The following NUCB2 variants were observed in gnomAD, a reference collection of about 807,000 sequenced individuals.
NUCB2 encodes the protein nucleobindin 2, also known as nucleobindin-2.
NUCB2 carries 48 observed loss-of-function variants against 57.9 expected under a neutral mutation model. The ratio of observed to expected loss-of-function variants is 0.83; its 90% confidence interval spans 0.66 to 1.05. The LOEUF (loss-of-function observed/expected upper bound fraction) is 1.05. Among genes scored for constraint, NUCB2 ranks in the 50% least tolerant of loss-of-function variants. The pLI is 0.00. For missense variants in NUCB2, 442 were observed against 476.2 expected, an observed-to-expected ratio of 0.93 and a Z score of 0.67; for synonymous variants, 139 against 152.1, an observed-to-expected ratio of 0.91 and a Z score of 0.64.
intron 11 of NUCB2, among the ~76,000 whole-genome samples, chr11:17,329,625 G>A (rs1377045114): frequency 6.6e-6 from 1 of 152,220 alleles, no homozygotes; most frequent in Non-Finnish European, 1.5e-5. Context: ...AGAGGGCACA[G>A]ACTCTCTGTG....
At chr11:17,331,278 G>A (rs924133416) in intron 13 of NUCB2, 134 bp from the exon 14 acceptor site, 1 of 510,830 alleles carries the variant, frequency 2.0e-6, no homozygotes, top group African/African-American at 2.0e-5. Flanking sequence ...TCTTACCAGA[G>A]AATATGTTTT....
intron 2 of NUCB2, among the ~76,000 whole-genome samples, chr11:17,285,199 G>A (rs1385488570): frequency 1.3e-5 from 2 of 152,046 alleles, no homozygotes; most frequent in Admixed American, 6.6e-5. Context: ...AGGCCAAGGC[G>A]GGCAGATCAC....
chr11:17,345,085 G>T (rs1389837536), intron 2 of NUCB2, among the ~76,000 whole-genome samples: 10 of 152,000 alleles, frequency 6.6e-5, no homozygotes, highest in Admixed American at 6.6e-4. Context: ...GCTTTTAATA[G>T]AAATATCTTA....
At chr11:17,346,952 C>T (rs565038646) in intron 2 of NUCB2, among the ~76,000 whole-genome samples, 27 of 152,204 alleles carry the variant, frequency 1.8e-4, no homozygotes, top group South Asian at 2.1e-4. Context: ...TTGTGAACCC[C>T]GAAAATTTGA....
chr11:17,293,698 T>G (rs1167702064), intron 2 of NUCB2, among the ~76,000 whole-genome samples: 1 of 152,230 alleles, frequency 6.6e-6, no homozygotes, highest in African/African-American at 2.4e-5. Context: ...CAATGGACTA[T>G]CTATTCAGCT....
At chr11:17,284,241 C>A (rs2137978802) in intron 2 of NUCB2, among the ~76,000 whole-genome samples, 1 of 152,268 alleles carries the variant, frequency 6.6e-6, no homozygotes, top group South Asian at 2.1e-4. Context: ...TGGTCTTGAA[C>A]TCCTGACCTC....
chr11:17,341,866 G>T (rs1677157887), intron 2 of NUCB2, among the ~76,000 whole-genome samples: 1 of 152,140 alleles, frequency 6.6e-6, no homozygotes, highest in African/African-American at 2.4e-5. Flanking sequence ...TTTTTCTATT[G>T]ATTGGAATAG....
At position 17,330,642 on chromosome 11, in the gene NUCB2, T is replaced by C. The variant is rs1204230187; in HGVS notation, c.1174-260T>C. Reference sequence around the variant, plus strand: ...TGCCAGTGTTCCTGGCTAATGTTAATATTTTTTGTAGAGACCAGGTCTCAT... The same window carrying C: ...TGCCAGTGTTCCTGGCTAATGTTAACATTTTTTGTAGAGACCAGGTCTCAT... On this transcript the variant is annotated intron_variant, in intron 12 of 13. Transcript: ENST00000529010. This position sits in a 1 kb window ranked among gnomAD's most constrained non-coding sequence, Gnocchi z 4.3. 2.6e-5 allele frequency among the ~76,000 whole-genome samples: 4 copies of C among 152,108 alleles called. No individual in the cohort carries two copies. Among genetic ancestry groups the C allele is most frequent in the Non-Finnish European group, 1.5e-5 (1 of 68,030 alleles).
rs773566517 is a variant in NUCB2, at chr11:17,311,060, G to C, written c.669+50G>C. 4.8e-6 allele frequency: 7 copies of C among 1,472,196 alleles called. No homozygotes were observed. The Middle Eastern group carries it at 7.2e-4, about 151-fold the overall frequency. The allele number at this position is 1,472,196 out of a possible 1,614,324, so 91.2% of individuals were successfully genotyped here. A position where few individuals can be genotyped will look rare whatever the true frequency, so the allele number is the denominator to read the frequency against. ...CATTTTTAGATAAAGATACTTCTTCGTATCAGCGGATTTTTATTGTGTTAT... is the reference window on the plus strand; with the variant it reads ...CATTTTTAGATAAAGATACTTCTTCCTATCAGCGGATTTTTATTGTGTTAT... On this transcript the variant is annotated intron_variant, in intron 7 of 13. Coordinates refer to ENST00000529010, the MANE Select transcript of NUCB2 (RefSeq NM_005013.4).
chr11:17,296,329 C>T (rs1020809802), intron 4 of NUCB2, 118 bp downstream of exon 4: 1 of 482,172 alleles, frequency 2.1e-6, no homozygotes. Context: ...GTGATCCTCC[C>T]ACCTCAGTCT....
intron 2 of NUCB2, among the ~76,000 whole-genome samples, chr11:17,289,642 A>G (rs1591266618): frequency 6.6e-6 from 1 of 152,188 alleles, no homozygotes; most frequent in African/African-American, 2.4e-5. Context: ...AAAAATGCTT[A>G]ATATAACATC....
At chr11:17,324,595 A>C (rs1186836090) in intron 11 of NUCB2, among the ~76,000 whole-genome samples, 1 of 151,572 alleles carries the variant, frequency 6.6e-6, no homozygotes, top group Non-Finnish European at 1.5e-5. Flanking sequence ...CACCACGCCC[A>C]GCTAACTTCT....
At chr11:17,331,149 C>T in intron 13 of NUCB2, 166 bp downstream of exon 13, 3 of 608,628 alleles carry the variant, frequency 4.9e-6, no homozygotes. Context: ...GAAAATGCCT[C>T]CAAAAGTTTT....
chr11:17,336,157 G>T (rs991753755), downstream of NUCB2, among the ~76,000 whole-genome samples: 9 of 151,110 alleles, frequency 6.0e-5, no homozygotes, highest in African/African-American at 1.9e-4. Flanking sequence ...TGGCCAGGCT[G>T]GTCTCAAACT....
At chr11:17,311,323 C>A in intron 8 of NUCB2, 40 bp downstream of exon 8, 1 of 1,370,522 alleles carries the variant, frequency 7.3e-7, no homozygotes, top group Non-Finnish European at 1.0e-6. Flanking sequence ...ATATCTGCTG[C>A]TTGAAAAAGT....
chr11:17,317,563 TC>T (rs1211242202), intron 11 of NUCB2: 3 of 432,640 alleles, frequency 6.9e-6, no homozygotes, highest in African/African-American at 6.1e-5. Flanking sequence ...TACATTGAAT[TC>T]AGTTGTAATG....
chr11:17,304,137 C>T lies in NUCB2; in HGVS notation c.379+2267C>T, dbSNP rs374100883. ...CACTGTAACCACCACTAAATAACAT[C>T]GCTTTGGAGGTACAAGCCAAAACAT... On this transcript the variant is annotated intron_variant, in intron 5 of 13. Transcript: ENST00000529010. Among the ~76,000 whole-genome samples the T allele has an allele frequency of 2.4e-3, 360 of 151,980 alleles. 2 individuals are homozygous for T. The highest frequency in any genetic ancestry group is 8.0e-3 in the African/African-American group (333 of 41,488).
chr11:17,305,973 AAGGTAT>A (rs1468445900), intron 5 of NUCB2, among the ~76,000 whole-genome samples: 3 of 152,194 alleles, frequency 2.0e-5, no homozygotes, highest in Non-Finnish European at 4.4e-5. Flanking sequence ...CATTTGGACA[AAGGTAT>A]AGTTAAAACC....
intron 11 of NUCB2, among the ~76,000 whole-genome samples, chr11:17,321,361 T>C (rs913832528): frequency 5.3e-5 from 8 of 152,202 alleles, no homozygotes; most frequent in African/African-American, 1.9e-4. Context: ...TATTTGTCTT[T>C]CTGTGCCTGG....
Sources: allele counts gnomAD v4.1 joint callset (sites outside exome capture counted in the v4.1 genomes callset), GRCh38; gene constraint gnomAD v4.1.1; non-coding constraint Gnocchi (gnomAD v3.1); transcripts MANE v1.5; gene names NCBI Gene and HGNC (gene_info 2026-07-23, HGNC 2026-07-21).